Variants in XKR9 observed in about 807,000 individuals in gnomAD.
XKR9 encodes the protein XK-related protein 9.
XKR9 carries 32 observed loss-of-function variants against 32.0 expected under a neutral mutation model. The ratio of observed to expected loss-of-function variants is 1.00; its 90% CI spans 0.76 to 1.34. The LOEUF (loss-of-function observed/expected upper bound fraction) is 1.34, where lower values mean the gene tolerates loss of function less well. Among genes scored for constraint, XKR9 ranks in the 40% most tolerant of loss-of-function variants. The probability of loss-of-function intolerance (pLI) is 0.00; values close to 1 mark genes in which losing one functional copy is unlikely to be tolerated. For synonymous variants in XKR9, 168 were observed against 143.4 expected, an observed-to-expected ratio of 1.17 and a Z score of -1.22; for missense variants, 546 against 429.7, an observed-to-expected ratio of 1.27 and a Z score of -2.39.
chr8:70,713,613 A>G (rs1805992792), intron 4 of XKR9, among the ~76,000 whole-genome samples: 1 of 152,126 alleles, frequency 6.6e-6, no homozygotes, highest in South Asian at 2.1e-4. Context: ...ATAAATGAAT[A>G]TTGAATATTC....
the XKR9 span, among the ~76,000 whole-genome samples, chr8:70,938,531 C>A: frequency 6.6e-6 from 1 of 152,080 alleles, no homozygotes; most frequent in Non-Finnish European, 1.5e-5. Flanking sequence ...ATACTTTAGT[C>A]TAATGCTGGA....
the XKR9 span, among the ~76,000 whole-genome samples, chr8:70,883,274 T>G: frequency 6.6e-6 from 1 of 152,178 alleles, no homozygotes; most frequent in Non-Finnish European, 1.5e-5. Context: ...AATAATGGCC[T>G]CCAGCTCCAT....
the XKR9 span, among the ~76,000 whole-genome samples, chr8:71,007,479 T>C: frequency 1.3e-5 from 2 of 152,070 alleles, no homozygotes; most frequent in East Asian, 1.9e-4. Flanking sequence ...AATGAAAAAC[T>C]TAGTTAAAAG....
chr8:70,762,444 T>G (rs1042712537), intron 2 of XKR9, among the ~76,000 whole-genome samples: 1 of 152,148 alleles, frequency 6.6e-6, no homozygotes, highest in Non-Finnish European at 1.5e-5. Flanking sequence ...TTCTGTCCCA[T>G]AAGCCACAGC....
chr8:70,776,353 A>G (rs1807520133), intron 2 of XKR9, among the ~76,000 whole-genome samples: 3 of 152,202 alleles, frequency 2.0e-5, no homozygotes, highest in Admixed American at 1.3e-4. Flanking sequence ...TCACTTAAAA[A>G]TTTAAATAAT....
chr8:70,732,447 G>A (rs1435742457), intron 4 of XKR9, among the ~76,000 whole-genome samples: 2 of 152,186 alleles, frequency 1.3e-5, no homozygotes, highest in Non-Finnish European at 2.9e-5. Context: ...AGAGAACTAG[G>A]CAGCCACTTG....
At chr8:71,065,381 C>G in the XKR9 span, among the ~76,000 whole-genome samples, 6 of 152,168 alleles carry the variant, frequency 3.9e-5, no homozygotes, top group Non-Finnish European at 8.8e-5. Flanking sequence ...GAGGACACAA[C>G]AAGATATCAG....
At chr8:70,711,961 C>T (rs1346194117) in intron 4 of XKR9, among the ~76,000 whole-genome samples, 1 of 151,596 alleles carries the variant, frequency 6.6e-6, no homozygotes, top group African/African-American at 2.4e-5. Context: ...AAAACCTGCA[C>T]ACGTACCCCT....
At chr8:70,678,810 A>C (rs1383730150) in intron 2 of XKR9, among the ~76,000 whole-genome samples, 1 of 152,238 alleles carries the variant, frequency 6.6e-6, no homozygotes, top group African/African-American at 2.4e-5. Context: ...TTTTAGCAAA[A>C]TACTTATAAG....
intron 2 of XKR9, among the ~76,000 whole-genome samples, chr8:70,743,264 T>C (rs1450423424): frequency 6.6e-6 from 1 of 152,158 alleles, no homozygotes. Context: ...TTCTATTTCT[T>C]TGCTAAAATT....
chr8:70,837,673 G>T, the XKR9 span, among the ~76,000 whole-genome samples: 3 of 152,036 alleles, frequency 2.0e-5, no homozygotes, highest in African/African-American at 7.2e-5. Context: ...GGTCGTGCTG[G>T]TCTCAACCCT....
the XKR9 span, among the ~76,000 whole-genome samples, chr8:70,996,968 G>GT: frequency 6.6e-6 from 1 of 152,144 alleles, no homozygotes; most frequent in Non-Finnish European, 1.5e-5. Flanking sequence ...TAAACTTTTG[G>GT]TTTCCAATCA....
the XKR9 span, among the ~76,000 whole-genome samples, chr8:71,011,779 G>C: frequency 6.6e-6 from 1 of 152,124 alleles, no homozygotes; most frequent in Admixed American, 6.5e-5. Flanking sequence ...CAGCATTATG[G>C]GGGGAAACTG....
At chr8:71,035,206 G>A in the XKR9 span, among the ~76,000 whole-genome samples, 7 of 152,090 alleles carry the variant, frequency 4.6e-5, no homozygotes, top group Non-Finnish European at 1.0e-4. Context: ...TTAAACCATC[G>A]ACATGTACAT....
chr8:70,749,105 CA>C (rs1807098684), intron 2 of XKR9, among the ~76,000 whole-genome samples: 1 of 152,174 alleles, frequency 6.6e-6, no homozygotes, highest in African/African-American at 2.4e-5. Flanking sequence ...AGTAGCTACC[CA>C]AAGGAGTGAC....
At chr8:70,990,791 G>C in the XKR9 span, among the ~76,000 whole-genome samples, 1 of 151,638 alleles carries the variant, frequency 6.6e-6, no homozygotes, top group East Asian at 1.9e-4. Flanking sequence ...GAGAGAACAA[G>C]CATGTGTATT....
chr8:70,835,081 T>C, the XKR9 span, among the ~76,000 whole-genome samples: 1,844 of 152,186 alleles, frequency 0.012, 13 homozygotes, highest in Non-Finnish European at 0.021. Flanking sequence ...GTGGCTGGCA[T>C]TTAAGGGTAT....
the XKR9 span, among the ~76,000 whole-genome samples, chr8:70,859,550 T>C: frequency 6.6e-6 from 1 of 152,142 alleles, no homozygotes; most frequent in Non-Finnish European, 1.5e-5. Flanking sequence ...CATTCCTATA[T>C]TTATTGCAGT....
the XKR9 span, among the ~76,000 whole-genome samples, chr8:70,832,373 C>T: frequency 6.6e-6 from 1 of 151,740 alleles, no homozygotes; most frequent in Admixed American, 6.6e-5. Flanking sequence ...AAGTACGTGA[C>T]AAAAATAGAC....
Sources: allele counts gnomAD v4.1 joint callset (sites outside exome capture counted in the v4.1 genomes callset), GRCh38; gene constraint gnomAD v4.1.1; transcripts MANE v1.5; gene names NCBI Gene and HGNC (gene_info 2026-07-23, HGNC 2026-07-21).